Variants in FRAS1 observed in about 807,000 individuals in gnomAD.
FRAS1 encodes the protein extracellular matrix organizing protein FRAS1.
FRAS1 carries 290 observed loss-of-function variants against 435.2 expected under a neutral mutation model. That is an observed-to-expected ratio of 0.67 (90% CI 0.61 to 0.73). The LOEUF (loss-of-function observed/expected upper bound fraction) is 0.73. Among genes scored for constraint, FRAS1 ranks in the 30% least tolerant of loss-of-function variants. The pLI is 0.00. For missense variants in FRAS1, 4,860 were observed against 5,001.5 expected, an observed-to-expected ratio of 0.97 and a Z score of 0.85; for synonymous variants, 1,800 against 1,851.0, an observed-to-expected ratio of 0.97 and a Z score of 0.71.
chr4:78,156,246 T>A (rs962079376), intron 2 of FRAS1, among the ~76,000 whole-genome samples: 5 of 152,188 alleles, frequency 3.3e-5, no homozygotes, highest in African/African-American at 9.6e-5. Flanking sequence ...TTTTGTGAGC[T>A]TAGCACATGT....
intron 36 of FRAS1, 52 bp downstream of exon 36, chr4:78,429,278 G>A: frequency 6.4e-7 from 1 of 1,557,402 alleles, no homozygotes; most frequent in Non-Finnish European, 8.7e-7. Flanking sequence ...GGATCATATT[G>A]CTGCCCCTCT....
At position 78,481,824 on chromosome 4, in the gene FRAS1, A is replaced by T. The variant is rs1456912422; in HGVS notation, c.8464A>T (p.Ile2822Phe). ...EDAGTVKIPV[I>F]RHGTDLSTFA... ...TTCAGGCACAGTAAAGATTCCAGTTATCCGCCATGGTACTGACCTCTCTAC... is the reference window on the plus strand; with the variant it reads ...TTCAGGCACAGTAAAGATTCCAGTTTTCCGCCATGGTACTGACCTCTCTAC... Residue 2822 changes from isoleucine to phenylalanine, a missense_variant, in exon 57 of 74, where the codon ATC becomes TTC. Coordinates refer to ENST00000512123, the MANE Select transcript of FRAS1 (RefSeq NM_025074.7). 6.2e-7 allele frequency: 1 copy of T among 1,613,790 alleles called. No individual in the cohort carries two copies. The highest frequency in any genetic ancestry group is 8.5e-7 in the Non-Finnish European group (1 of 1,179,816).
intron 61 of FRAS1, among the ~76,000 whole-genome samples, chr4:78,504,646 C>T (rs1438230668): frequency 6.6e-6 from 1 of 152,188 alleles, no homozygotes; most frequent in Non-Finnish European, 1.5e-5. Flanking sequence ...CTCCTGAATA[C>T]AGCACAATGA....
chr4:78,121,185 A>G (rs1718997877), intron 2 of FRAS1, among the ~76,000 whole-genome samples: 1 of 152,174 alleles, frequency 6.6e-6, no homozygotes, highest in Non-Finnish European at 1.5e-5. Context: ...CCTTGAAGCA[A>G]TAAGCCGTGT....
intron 20 of FRAS1, among the ~76,000 whole-genome samples, chr4:78,355,769 C>T (rs1730828338): frequency 2.0e-5 from 3 of 152,134 alleles, no homozygotes; most frequent in Admixed American, 2.0e-4. Flanking sequence ...TCAGTATCAC[C>T]TGTGGGCAGG....
intron 2 of FRAS1, among the ~76,000 whole-genome samples, chr4:78,205,362 C>T (rs954887771): frequency 3.3e-5 from 5 of 152,024 alleles, no homozygotes; most frequent in African/African-American, 4.8e-5. Context: ...CCACTACACC[C>T]AGCTAATTTT....
At chr4:78,473,005 A>T (rs1360986898) in intron 52 of FRAS1, among the ~76,000 whole-genome samples, 1 of 152,156 alleles carries the variant, frequency 6.6e-6, no homozygotes, top group East Asian at 1.9e-4. Context: ...ACCCAACCCC[A>T]GCTATTCTTA....
chr4:78,341,223 C>T (rs1245050121), intron 20 of FRAS1, among the ~76,000 whole-genome samples: 1 of 152,142 alleles, frequency 6.6e-6, no homozygotes, highest in African/African-American at 2.4e-5. Context: ...GGAGGCAGAA[C>T]ATTTCAGAAA....
At chr4:78,365,294 T>C (rs920629901) in intron 22 of FRAS1, among the ~76,000 whole-genome samples, 3 of 152,176 alleles carry the variant, frequency 2.0e-5, no homozygotes, top group Non-Finnish European at 4.4e-5. Context: ...AGTGGGAAGA[T>C]TGCTTTTGTA....
intron 47 of FRAS1, among the ~76,000 whole-genome samples, chr4:78,457,384 A>G (rs2645149): frequency 0.76 from 115,478 of 152,138 alleles, 44,433 homozygotes; most frequent in African/African-American, 0.87. Flanking sequence ...AATCTTCTTA[A>G]TTCTGTAAAA....
intron 18 of FRAS1, among the ~76,000 whole-genome samples, chr4:78,324,799 G>A (rs774107705): frequency 7.7e-6 from 1 of 129,464 alleles, no homozygotes; most frequent in African/African-American, 2.9e-5. Context: ...ATGCAGCTCT[G>A]TCGCCATTAA....
intron 40 of FRAS1, 100 bp downstream of exon 40, chr4:78,439,164 T>G (rs1048609092): frequency 9.9e-7 from 1 of 1,007,412 alleles, no homozygotes; most frequent in African/African-American, 1.7e-5. Flanking sequence ...TGCCAAATAT[T>G]TCCCCCAAAA....
chr4:78,069,093 C>T (rs1195063862), intron 2 of FRAS1, among the ~76,000 whole-genome samples: 1 of 152,210 alleles, frequency 6.6e-6, no homozygotes, highest in Non-Finnish European at 1.5e-5. Context: ...AGAGCTGGCT[C>T]TGAGAATAGT....
intron 2 of FRAS1, among the ~76,000 whole-genome samples, chr4:78,187,635 A>G (rs1722329233): frequency 6.6e-6 from 1 of 151,452 alleles, no homozygotes. Context: ...ATGGAGTCTT[A>G]TTCTGTTGCC....
At chr4:78,128,078 G>A (rs1719471395) in intron 2 of FRAS1, among the ~76,000 whole-genome samples, 1 of 152,108 alleles carries the variant, frequency 6.6e-6, no homozygotes, top group African/African-American at 2.4e-5. Flanking sequence ...CAAAGGACAT[G>A]AACTCATCAT....
chr4:78,309,028 A>C (rs1202045278), intron 15 of FRAS1, among the ~76,000 whole-genome samples: 1 of 152,216 alleles, frequency 6.6e-6, no homozygotes, highest in African/African-American at 2.4e-5. Context: ...AGCCCCATGC[A>C]ATCAATCACA....
At chr4:78,358,611 G>T (rs1410072982) in intron 20 of FRAS1, among the ~76,000 whole-genome samples, 2 of 151,950 alleles carry the variant, frequency 1.3e-5, no homozygotes, top group Non-Finnish European at 2.9e-5. Context: ...TTAATATTTT[G>T]CCCAATGTAT....
At chr4:78,389,643 T>C (rs973787642) in intron 29 of FRAS1, among the ~76,000 whole-genome samples, 7 of 152,348 alleles carry the variant, frequency 4.6e-5, no homozygotes, top group East Asian at 3.9e-4. Flanking sequence ...AGAGAAGTTT[T>C]TGTTTCTTCG....
chr4:78,505,263 A>T (rs1020501140), intron 61 of FRAS1, among the ~76,000 whole-genome samples: 2 of 152,090 alleles, frequency 1.3e-5, no homozygotes, highest in African/African-American at 4.8e-5. Flanking sequence ...CTCAATTTGA[A>T]TGTTGGCCTT....
Sources: gnomAD v4.1 joint callset for allele counts (sites outside exome capture counted in the v4.1 genomes callset) on GRCh38, gnomAD v4.1.1 for gene constraint, MANE v1.5 for transcripts, NCBI Gene and HGNC (gene_info 2026-07-23, HGNC 2026-07-21) for gene names.